OGFOD3: variants seen among roughly 807,000 people sequenced by gnomAD.
The protein encoded by OGFOD3 is 2-oxoglutarate and iron-dependent oxygenase domain-containing protein 3.
Under a neutral mutation model 39.8 loss-of-function variants are expected in OGFOD3, and 35 were observed. That is an observed-to-expected ratio of 0.88 (90% CI 0.67 to 1.17). The LOEUF is 1.17. Ranked by LOEUF, OGFOD3 falls within the 50% of genes most tolerant of loss-of-function variation. The probability of loss-of-function intolerance (pLI) is 0.00; values close to 1 mark genes in which losing one functional copy is unlikely to be tolerated. For missense variants in OGFOD3, 438 were observed against 454.5 expected (o/e 0.96, Z 0.33); for synonymous variants, 200 against 192.0 (o/e 1.04, Z -0.34).
chr17:82,399,445 T>A (rs1400757837), intron 7 of OGFOD3, among the ~76,000 whole-genome samples: 1 of 152,232 alleles, frequency 6.6e-6, no homozygotes, highest in African/African-American at 2.4e-5. Flanking sequence ...CCAAGCTTTT[T>A]AAAACTTGTA....
chr17:82,408,342 G>A (rs369069740), intron 4 of OGFOD3, among the ~76,000 whole-genome samples: 24 of 152,244 alleles, frequency 1.6e-4, no homozygotes, highest in Middle Eastern at 6.8e-3. Flanking sequence ...AATAAACAGA[G>A]AGAAACAGAT....
intron 2 of OGFOD3, among the ~76,000 whole-genome samples, chr17:82,414,886 C>T (rs752798619): frequency 3.3e-5 from 5 of 152,204 alleles, no homozygotes; most frequent in Non-Finnish European, 5.9e-5. Flanking sequence ...GTCAGACCTG[C>T]TCCGAGGCCG....
intron 2 of OGFOD3, among the ~76,000 whole-genome samples, chr17:82,413,586 G>A (rs1392651228): frequency 6.6e-6 from 1 of 152,086 alleles, no homozygotes; most frequent in Non-Finnish European, 1.5e-5. Flanking sequence ...ATAAAAATTA[G>A]AGGCCAGGCG....
Position 82,415,715 on chromosome 17 carries a change from C to A in OGFOD3, c.75-88G>T. The A allele has an allele frequency of 8.3e-7, 1 of 1,206,496 alleles. No individual in the cohort carries two copies. The highest frequency in any genetic ancestry group is 1.1e-6 in the Non-Finnish European group (1 of 870,310). The allele number at this position is 1,206,496 out of a possible 1,614,324, so 74.7% of individuals were successfully genotyped here. On this transcript the variant is annotated intron_variant, in intron 1 of 8. Transcript: ENST00000313056. The surrounding 1 kb of genome is among the most constrained non-coding windows in gnomAD (Gnocchi z 5.3). ...GATCATCAAAGTGCATGCACCATGACCCGGCCTTCACTCACACGTCACCCC... is the reference window on the plus strand; with the variant it reads ...GATCATCAAAGTGCATGCACCATGAACCGGCCTTCACTCACACGTCACCCC...
At position 82,415,757 on chromosome 17, in the gene OGFOD3, T is replaced by C; in HGVS notation, c.75-130A>G. ...CGTCACCCCTGAAACGAGGGCTTCC[T>C]GCCTGGGGCCAGCGCTGTCCACTCA... On this transcript the variant is annotated intron_variant, in intron 1 of 8. Coordinates refer to ENST00000313056, the MANE Select transcript of OGFOD3 (RefSeq NM_024648.3). This position sits in a 1 kb window ranked among gnomAD's most constrained non-coding sequence, Gnocchi z 5.3. The C allele has an allele frequency of 1.3e-6, 1 of 766,878 alleles. No individual in the cohort carries two copies. Among genetic ancestry groups the C allele is most frequent in the Non-Finnish European group, 2.1e-6 (1 of 486,298 alleles). 47.5% of individuals were successfully genotyped at this position (766,878 alleles called of 1,614,324 possible). A position where few individuals can be genotyped will look rare whatever the true frequency, so the allele number is the denominator to read the frequency against.
Position 82,418,513 on chromosome 17 carries a change from G to T in OGFOD3, c.-28C>A. ...GACCAGGCCGCCGCGGAGCCGGGCC[G>T]GACGCGGGCGCCAGGCCCGGGGACG... is the stretch of plus-strand genomic sequence containing the variant. On this transcript the variant is annotated 5_prime_UTR_variant, in exon 1 of 9. Transcript: ENST00000313056. 7.7e-7 allele frequency: 1 copy of T among 1,297,266 alleles called. No homozygotes were observed. The highest frequency in any genetic ancestry group is 1.9e-5 in the South Asian group (1 of 52,276). 80.4% of individuals were successfully genotyped at this position (1,297,266 alleles called of 1,614,324 possible). A position where few individuals can be genotyped will look rare whatever the true frequency, so the allele number is the denominator to read the frequency against.
At chr17:82,409,459 T>G in intron 3 of OGFOD3, 49 bp from the exon 4 acceptor site, 1 of 1,575,522 alleles carries the variant, frequency 6.3e-7, no homozygotes, top group South Asian at 1.1e-5. Context: ...TTGTCTATAA[T>G]GTATAATCTA....
In OGFOD3 at chr17:82,392,290, C is replaced by T. The variant is rs1369439724; in HGVS notation, c.*108G>A. 2 of 1,235,578 alleles carry T rather than the reference C, an allele frequency of 1.6e-6. No individual in the cohort carries two copies. Among genetic ancestry groups the T allele is most frequent in the East Asian group, 5.1e-5 (2 of 39,300 alleles). The allele number at this position is 1,235,578 out of a possible 1,614,324, so 76.5% of individuals were successfully genotyped here. A position where few individuals can be genotyped will look rare whatever the true frequency, so the allele number is the denominator to read the frequency against. ...GTCAGCAAATCAAAATCAGAGAATT[C>T]CTAAGGCACTCTGTGCAACAGGAGC... On this transcript the variant is annotated 3_prime_UTR_variant, in exon 9 of 9. Coordinates refer to ENST00000313056, the MANE Select transcript of OGFOD3 (RefSeq NM_024648.3). This position sits in a 1 kb window ranked among gnomAD's most constrained non-coding sequence, Gnocchi z 4.2.
At chr17:82,396,468 GGTAAACACATAGATACAATTAGAC>G (rs2052675680) in intron 8 of OGFOD3, 2 of 151,816 alleles carry the variant, frequency 1.3e-5, no homozygotes, top group Non-Finnish European at 2.9e-5. Context: ...TCAAATCACA[GGTAAACACATAGATACAATTAGAC>G]ATGTATGACA....
At chr17:82,399,846 C>T (rs1189304065) in intron 7 of OGFOD3, among the ~76,000 whole-genome samples, 4 of 152,138 alleles carry the variant, frequency 2.6e-5, no homozygotes, top group Admixed American at 6.5e-5. Context: ...AAGGGGAGGG[C>T]GCATCTCACC....
At chr17:82,409,054 A>G (rs530501976) in intron 4 of OGFOD3, among the ~76,000 whole-genome samples, 1 of 151,948 alleles carries the variant, frequency 6.6e-6, no homozygotes, top group South Asian at 2.1e-4. Flanking sequence ...CTGGGCTCCC[A>G]CCCCGCTCCC....
rs2052816490 is a variant in OGFOD3, at chr17:82,404,203, G to A, written c.546-113C>T. On this transcript the variant is annotated intron_variant, in intron 6 of 8. Coordinates refer to ENST00000313056, the MANE Select transcript of OGFOD3 (RefSeq NM_024648.3). The surrounding 1 kb of genome is among the most constrained non-coding windows in gnomAD (Gnocchi z 4.5). Reference sequence around the variant, plus strand: ...AGCCTTCGTACGGCTCCGGGCCCGCGGGGCGGGGGCTCCCAAGCACACCGG... The same window carrying A: ...AGCCTTCGTACGGCTCCGGGCCCGCAGGGCGGGGGCTCCCAAGCACACCGG... 8.1e-7 allele frequency: 1 copy of A among 1,229,652 alleles called. No homozygotes were observed. The highest frequency in any genetic ancestry group is 1.6e-5 in the South Asian group (1 of 63,384). The allele number at this position is 1,229,652 out of a possible 1,614,324, so 76.2% of individuals were successfully genotyped here.
At chr17:82,399,702 G>A (rs1337204270) in intron 7 of OGFOD3, among the ~76,000 whole-genome samples, 1 of 152,196 alleles carries the variant, frequency 6.6e-6, no homozygotes, top group East Asian at 1.9e-4. Flanking sequence ...CCACGGACGT[G>A]GGATCAGGCA....
chr17:82,406,342 A>C lies in OGFOD3; in HGVS notation c.488+76T>G, dbSNP rs2052855552. Reference sequence around the variant, plus strand: ...CTCCCTCACATGTCCACGTGTCCACATGTCCATGGCTAAGAGGCACGGAGC... The same window carrying C: ...CTCCCTCACATGTCCACGTGTCCACCTGTCCATGGCTAAGAGGCACGGAGC... On this transcript the variant is annotated intron_variant, in intron 5 of 8. Coordinates refer to ENST00000313056, the MANE Select transcript of OGFOD3 (RefSeq NM_024648.3). This position sits in a 1 kb window ranked among gnomAD's most constrained non-coding sequence, Gnocchi z 5.2. The C allele has an allele frequency of 7.4e-7, 1 of 1,345,780 alleles. No individual in the cohort carries two copies. The highest frequency in any genetic ancestry group is 1.4e-5 in the African/African-American group (1 of 69,802). The allele number at this position is 1,345,780 out of a possible 1,614,324, so 83.4% of individuals were successfully genotyped here.
intron 7 of OGFOD3, among the ~76,000 whole-genome samples, chr17:82,403,043 G>C (rs1271759907): frequency 2.0e-5 from 3 of 152,224 alleles, no homozygotes; most frequent in Admixed American, 1.3e-4. Context: ...CTGGGTGACA[G>C]AGTGAAGCTG....
rs1232599984 is a variant in OGFOD3, at chr17:82,404,208, G to A, written c.546-118C>T. 5 of 1,196,790 alleles carry A rather than the reference G, an allele frequency of 4.2e-6. No individual in the cohort carries two copies. Among genetic ancestry groups the A allele is most frequent in the South Asian group, 3.2e-5 (2 of 62,744 alleles). 74.1% of individuals were successfully genotyped at this position (1,196,790 alleles called of 1,614,324 possible). ...TCGTACGGCTCCGGGCCCGCGGGGC[G>A]GGGGCTCCCAAGCACACCGGGAACA... On this transcript the variant is annotated intron_variant, in intron 6 of 8. Coordinates refer to ENST00000313056, the MANE Select transcript of OGFOD3 (RefSeq NM_024648.3). The surrounding 1 kb of genome is among the most constrained non-coding windows in gnomAD (Gnocchi z 4.5).
intron 7 of OGFOD3, among the ~76,000 whole-genome samples, chr17:82,402,931 TG>T (rs1392698779): frequency 6.6e-6 from 1 of 152,072 alleles, no homozygotes; most frequent in Non-Finnish European, 1.5e-5. Context: ...CACGCACCTG[TG>T]GTCCCAGCTA....
Position 82,392,840 on chromosome 17 carries a change from T to A in OGFOD3, c.824-306A>T. 2.7e-6 allele frequency: 1 copy of A among 376,690 alleles called. No individual in the cohort carries two copies. The highest frequency in any genetic ancestry group is 4.8e-6 in the Non-Finnish European group (1 of 208,368). The allele number at this position is 376,690 out of a possible 1,614,324, so 23.3% of individuals were successfully genotyped here. A position where few individuals can be genotyped will look rare whatever the true frequency, so the allele number is the denominator to read the frequency against. ...CACTGGCTCCAGACACCCCAGGTCATCTGATCTCCCGAGCTCCGGGCATTT... is the reference window on the plus strand; with the variant it reads ...CACTGGCTCCAGACACCCCAGGTCAACTGATCTCCCGAGCTCCGGGCATTT... On this transcript the variant is annotated intron_variant, in intron 8 of 8. Transcript: ENST00000313056. This position sits in a 1 kb window ranked among gnomAD's most constrained non-coding sequence, Gnocchi z 4.2.
In OGFOD3 at chr17:82,403,731, A is replaced by ACCACATGCGCGCTCACCCTGT. The variant is rs1255050854; in HGVS notation, c.699+185_699+205dup. On this transcript the variant is annotated intron_variant, in intron 7 of 8. Transcript: ENST00000313056. ...CCACGGGAGAACAGGCCTCACCTTG[A>ACCACATGCGCGCTCACCCTGT]CCACATGCGCGCTCACCCTGTCCAC... Among the ~76,000 whole-genome samples the ACCACATGCGCGCTCACCCTGT allele has an allele frequency of 1.5e-4, 23 of 151,394 alleles. No homozygotes were observed. In the South Asian group the frequency reaches 2.9e-3, roughly 19 times the overall value.
Sources: gnomAD v4.1 joint callset for allele counts (sites outside exome capture counted in the v4.1 genomes callset) on GRCh38, gnomAD v4.1.1 for gene constraint, Gnocchi (gnomAD v3.1) non-coding constraint, MANE v1.5 for transcripts, NCBI Gene and HGNC (gene_info 2026-07-23, HGNC 2026-07-21) for gene names.